The following RHOT1 variants were observed in gnomAD, a reference collection of about 807,000 sequenced individuals.
RHOT1 encodes the protein ras homolog family member T1, also known as mitochondrial Rho GTPase 1.
RHOT1 carries 27 observed loss-of-function variants against 95.3 expected under a neutral mutation model. The ratio of observed to expected loss-of-function variants is 0.28; its 90% CI spans 0.21 to 0.39. The LOEUF (loss-of-function observed/expected upper bound fraction) is 0.39. RHOT1 is among the 10% of genes least tolerant of loss of function. The pLI, the probability that RHOT1 is intolerant of heterozygous loss-of-function variation, is 1.00. For synonymous variants in RHOT1, 227 were observed against 263.5 expected (o/e 0.86, Z 1.34); for missense variants, 578 against 786.7 (o/e 0.73, Z 3.17).
At chr17:32,142,800 T>TCGCCCCTGC (rs2030564841) in intron 1 of RHOT1, 71 bp downstream of exon 1, 2 of 1,327,024 alleles carry the variant, frequency 1.5e-6, no homozygotes, top group African/African-American at 1.5e-5. Flanking sequence ...GTCGCCCCTG[T>TCGCCCCTGC]CGCCCCTGCA....
Position 32,208,291 on chromosome 17 carries a change from C to T in RHOT1, c.1721C>T (p.Thr574Ile), listed in dbSNP as rs1171555821. ...AGTAAGGATATCTTTGTTAAATTGA[C>T]AACAATGGCCATGTATCCGTAAGTA... ...APSKDIFVKLTTMAMYPHARL... is the reference protein window; with the variant it reads ...APSKDIFVKLITMAMYPHARL... The change falls in exon 18 of 20, where the codon ACA (threonine) becomes ATA (isoleucine). Residue 574 changes from threonine (T) to isoleucine (I), a missense_variant. Physicochemically the swap from Thr to Ile is moderately conservative, Grantham distance 89. This residue lies in a region of RHOT1 where 296 missense variants were observed against 338.5 expected (regional missense o/e 0.87). Coordinates refer to ENST00000545287, the MANE Select transcript of RHOT1 (RefSeq NM_001033566.3). 2 of 1,613,810 alleles carry T rather than the reference C, an allele frequency of 1.2e-6. No individual in the cohort carries two copies.
chr17:32,194,884 A>G (rs1026607494), intron 11 of RHOT1, among the ~76,000 whole-genome samples: 10 of 139,552 alleles, frequency 7.2e-5, no homozygotes, highest in Non-Finnish European at 9.0e-5. Flanking sequence ...GCTGGAGTGC[A>G]GTGTCACGAT....
At chr17:32,197,077 C>T (rs961083879) in intron 11 of RHOT1, among the ~76,000 whole-genome samples, 1 of 150,630 alleles carries the variant, frequency 6.6e-6, no homozygotes, top group South Asian at 2.1e-4. Context: ...GAGCCGAGAT[C>T]GCACCATTGC....
At position 32,145,593 on chromosome 17, in the gene RHOT1, G is replaced by T. The variant is rs191447365; in HGVS notation, c.37+2864G>T. 9.2e-5 allele frequency among the ~76,000 whole-genome samples: 14 copies of T among 152,152 alleles called. 1 individual carries two copies. The highest frequency in any genetic ancestry group is 7.2e-4 in the Admixed American group (11 of 15,264). On this transcript the variant is annotated intron_variant, in intron 1 of 19. Coordinates refer to ENST00000545287, the MANE Select transcript of RHOT1 (RefSeq NM_001033566.3). ...GCTCCTGCTTTCCTCCATTTTCCGTGGAGCAGGCAGATTCATTTTTATTTT... is the reference window on the plus strand; with the variant it reads ...GCTCCTGCTTTCCTCCATTTTCCGTTGAGCAGGCAGATTCATTTTTATTTT...
intron 6 of RHOT1, among the ~76,000 whole-genome samples, chr17:32,178,207 C>G (rs953626365): frequency 6.0e-5 from 9 of 149,564 alleles, no homozygotes; most frequent in Admixed American, 3.3e-4. Flanking sequence ...ATGCCCTCCC[C>G]CCCCCCAGTG....
intron 5 of RHOT1, 21 bp downstream of exon 5, chr17:32,176,036 C>T: frequency 6.2e-7 from 1 of 1,600,498 alleles, no homozygotes; most frequent in Non-Finnish European, 8.5e-7. Flanking sequence ...TCTTTTTTTC[C>T]CTATAGTTGG....
chr17:32,167,527 C>T (rs7224632), intron 1 of RHOT1, among the ~76,000 whole-genome samples: 6,200 of 151,914 alleles, frequency 0.041, 426 homozygotes, highest in African/African-American at 0.14. Context: ...CCCAAGTAGC[C>T]GGGATTACAG....
intron 16 of RHOT1, among the ~76,000 whole-genome samples, chr17:32,205,516 A>G (rs1345571996): frequency 6.6e-6 from 1 of 152,244 alleles, no homozygotes; most frequent in African/African-American, 2.4e-5. Flanking sequence ...GTTAGCCTTA[A>G]AAATGTATAG....
chr17:32,162,541 T>C (rs541354096), intron 1 of RHOT1, among the ~76,000 whole-genome samples: 2 of 152,310 alleles, frequency 1.3e-5, no homozygotes, highest in Middle Eastern at 3.4e-3. Flanking sequence ...GAATGCTAGT[T>C]CCAGAATCTC....
chr17:32,182,704 A>G (rs2035738154), intron 6 of RHOT1, 53 bp from the exon 7 acceptor site: 1 of 1,023,484 alleles, frequency 9.8e-7, no homozygotes. Context: ...AAATTAAAAT[A>G]TAAATTTAAT....
chr17:32,217,315 C>T (rs2038534940), intron 19 of RHOT1, among the ~76,000 whole-genome samples: 1 of 152,154 alleles, frequency 6.6e-6, no homozygotes, highest in Non-Finnish European at 1.5e-5. Flanking sequence ...GATTCCTTAA[C>T]CTATTTTATC....
intron 1 of RHOT1, among the ~76,000 whole-genome samples, chr17:32,170,239 A>C (rs2034466182): frequency 6.6e-6 from 1 of 152,034 alleles, no homozygotes; most frequent in East Asian, 1.9e-4. Context: ...ACATGGGGAA[A>C]CCCTGTCTCT....
intron 18 of RHOT1, chr17:32,209,046 A>G (rs887040032): frequency 1.2e-5 from 2 of 165,902 alleles, no homozygotes; most frequent in African/African-American, 4.8e-5. Context: ...AGCTTATTCT[A>G]CTTATTCTTA....
At chr17:32,151,912 C>CTTGGATT (rs1264015968) in intron 1 of RHOT1, among the ~76,000 whole-genome samples, 1 of 150,348 alleles carries the variant, frequency 6.7e-6, no homozygotes, top group African/African-American at 2.4e-5. Flanking sequence ...GGAAATCACT[C>CTTGGATT]TTGGATTTTA....
chr17:32,143,450 C>T (rs1233079723), intron 1 of RHOT1, among the ~76,000 whole-genome samples: 1 of 152,194 alleles, frequency 6.6e-6, no homozygotes, highest in Non-Finnish European at 1.5e-5. Flanking sequence ...TTAGAATTAT[C>T]TGGGGAGGGT....
intron 8 of RHOT1, among the ~76,000 whole-genome samples, chr17:32,190,354 C>G (rs1467175576): frequency 6.6e-6 from 1 of 152,002 alleles, no homozygotes; most frequent in Non-Finnish European, 1.5e-5. Flanking sequence ...ACTCGGGAGA[C>G]TGAGGCAGGA....
chr17:32,189,913 A>C (rs2036357748), intron 8 of RHOT1, among the ~76,000 whole-genome samples: 1 of 151,644 alleles, frequency 6.6e-6, no homozygotes, highest in Non-Finnish European at 1.5e-5. Flanking sequence ...TTGTATTTTT[A>C]GTAGAGATGG....
chr17:32,158,466 C>T (rs1160745498), intron 1 of RHOT1, among the ~76,000 whole-genome samples: 2 of 151,950 alleles, frequency 1.3e-5, no homozygotes, highest in South Asian at 2.1e-4. Context: ...CCTCTGTCGT[C>T]GTTTTTTGAG....
chr17:32,164,466 T>C (rs1324176335), intron 1 of RHOT1, among the ~76,000 whole-genome samples: 4 of 151,910 alleles, frequency 2.6e-5, no homozygotes, highest in Non-Finnish European at 5.9e-5. Context: ...TCTCTTGACC[T>C]CATGATCCGC....
Sources: allele counts gnomAD v4.1 joint callset (sites outside exome capture counted in the v4.1 genomes callset), GRCh38; gene constraint gnomAD v4.1.1; regional missense constraint gnomAD v4.1.1; transcripts MANE v1.5; gene names NCBI Gene and HGNC (gene_info 2026-07-23, HGNC 2026-07-21).